Variants in GABBR2 observed in about 807,000 individuals in gnomAD.
The protein encoded by GABBR2 is gamma-aminobutyric acid type B receptor subunit 2, also known as G-protein coupled receptor 51.
In GABBR2, 23 loss-of-function variants were observed where a neutral mutation model predicts 105.6. That is an observed-to-expected ratio of 0.22 (90% CI 0.16 to 0.31). The LOEUF (loss-of-function observed/expected upper bound fraction) is 0.31. Ranked by LOEUF, GABBR2 falls within the 10% of genes least tolerant of loss-of-function variation. The probability of loss-of-function intolerance (pLI) is 1.00; values close to 1 mark genes in which losing one functional copy is unlikely to be tolerated. For synonymous variants in GABBR2, 478 were observed against 499.7 expected, an observed-to-expected ratio of 0.96 and a Z score of 0.58; for missense variants, 734 against 1,245.5, an observed-to-expected ratio of 0.59 and a Z score of 6.18.
intron 12 of GABBR2, among the ~76,000 whole-genome samples, chr9:98,367,010 T>C (rs995542851): frequency 1.5e-4 from 23 of 152,172 alleles, no homozygotes; most frequent in African/African-American, 5.5e-4. Context: ...ATTTTACAAT[T>C]GGTCTTTAGA....
chr9:98,576,904 T>TTGGATGGATGGATGGA (rs71369567), intron 2 of GABBR2, among the ~76,000 whole-genome samples: 19 of 99,610 alleles, frequency 1.9e-4, no homozygotes, highest in East Asian at 7.5e-4. Context: ...AAAATATTTG[T>TTGGATGGATGGATGGA]TGGATGGATG....
chr9:98,307,677 G>A (rs1463277979), intron 14 of GABBR2, among the ~76,000 whole-genome samples: 1 of 151,930 alleles, frequency 6.6e-6, no homozygotes, highest in Non-Finnish European at 1.5e-5. Flanking sequence ...CACCTCTCAG[G>A]ACCTTACTTT....
At chr9:98,542,525 CA>C (rs368930185) in intron 2 of GABBR2, among the ~76,000 whole-genome samples, 73 of 152,210 alleles carry the variant, frequency 4.8e-4, no homozygotes, top group African/African-American at 1.8e-3. Context: ...TCTAATTTGT[CA>C]TTATCATCAT....
chr9:98,602,408 G>T (rs1330823645), intron 1 of GABBR2, among the ~76,000 whole-genome samples: 1 of 149,910 alleles, frequency 6.7e-6, no homozygotes, highest in East Asian at 2.0e-4. Flanking sequence ...GGAGGCAGAG[G>T]GTGCAGTGAG....
chr9:98,489,908 C>A (rs967612242), intron 4 of GABBR2, among the ~76,000 whole-genome samples: 2 of 152,226 alleles, frequency 1.3e-5, no homozygotes, highest in Non-Finnish European at 2.9e-5. Context: ...GCCTGGCCAA[C>A]ATGGTAAAAC....
chr9:98,573,048 C>T (rs1427789222), intron 2 of GABBR2, among the ~76,000 whole-genome samples: 1 of 152,200 alleles, frequency 6.6e-6, no homozygotes, highest in African/African-American at 2.4e-5. Flanking sequence ...CCCTGCCCTA[C>T]AGTCAGGGCC....
chr9:98,462,551 G>A (rs1441539666), intron 6 of GABBR2, among the ~76,000 whole-genome samples: 2 of 152,184 alleles, frequency 1.3e-5, no homozygotes, highest in African/African-American at 4.8e-5. Flanking sequence ...ATGAAAACAT[G>A]TCCAACTTCA....
chr9:98,465,019 C>T (rs1241647040), intron 6 of GABBR2, among the ~76,000 whole-genome samples: 1 of 150,104 alleles, frequency 6.7e-6, no homozygotes, highest in South Asian at 2.1e-4. Context: ...AAACCAGAGA[C>T]CTTTGTTCTT....
At chr9:98,604,634 T>C (rs1829385624) in intron 1 of GABBR2, among the ~76,000 whole-genome samples, 1 of 152,230 alleles carries the variant, frequency 6.6e-6, no homozygotes, top group African/African-American at 2.4e-5. Flanking sequence ...TAATGCTGGC[T>C]GGATGCTCAT....
At chr9:98,510,083 T>C (rs1827604952) in intron 3 of GABBR2, among the ~76,000 whole-genome samples, 1 of 152,200 alleles carries the variant, frequency 6.6e-6, no homozygotes, top group Admixed American at 6.5e-5. Flanking sequence ...CAGCAGAAAC[T>C]CTACAAGCCA....
rs1283157109 is a variant in GABBR2, at chr9:98,549,022, G to A, written c.460-6979C>T. ...GCAATCTCAGGTCACTGCAACCTCC[G>A]CCTCCCGATTGTTCAAGCGATTCTC... is the stretch of plus-strand genomic sequence containing the variant. On this transcript the variant is annotated intron_variant, in intron 2 of 18. Coordinates refer to ENST00000259455, the MANE Select transcript of GABBR2 (RefSeq NM_005458.8). 4.1e-5 allele frequency among the ~76,000 whole-genome samples: 5 copies of A among 121,354 alleles called. 2 individuals carry two copies. The highest frequency in any genetic ancestry group is 9.3e-5 in the Non-Finnish European group (5 of 53,920). The allele number at this position is 121,354 out of a possible 152,430, so 79.6% of individuals were successfully genotyped here. A position where few individuals can be genotyped will look rare whatever the true frequency, so the allele number is the denominator to read the frequency against.
chr9:98,314,274 T>C (rs1309289123), intron 13 of GABBR2, among the ~76,000 whole-genome samples: 1 of 152,192 alleles, frequency 6.6e-6, no homozygotes, highest in Non-Finnish European at 1.5e-5. Context: ...CCTTTCATTG[T>C]TTAATTAAGG....
chr9:98,324,064 G>T (rs1830874525), intron 13 of GABBR2, among the ~76,000 whole-genome samples: 1 of 152,178 alleles, frequency 6.6e-6, no homozygotes, highest in Non-Finnish European at 1.5e-5. Context: ...CCAGGAGTGG[G>T]CTGGAACTTA....
intron 18 of GABBR2, among the ~76,000 whole-genome samples, chr9:98,291,168 A>G (rs1164625695): frequency 1.3e-5 from 2 of 152,208 alleles, no homozygotes; most frequent in African/African-American, 4.8e-5. Flanking sequence ...AGCCTCGCCT[A>G]CCTTAAATGT....
intron 1 of GABBR2, among the ~76,000 whole-genome samples, chr9:98,627,688 G>T (rs781347594): frequency 6.6e-6 from 1 of 152,236 alleles, no homozygotes; most frequent in Admixed American, 6.5e-5. Context: ...AAGCGGGTCC[G>T]TGTGCTGGCT....
intron 1 of GABBR2, among the ~76,000 whole-genome samples, chr9:98,640,394 G>A (rs1038117309): frequency 2.6e-5 from 4 of 152,202 alleles, no homozygotes; most frequent in African/African-American, 9.6e-5. Flanking sequence ...CAAAGACACA[G>A]TAAACCTGCT....
intron 1 of GABBR2, among the ~76,000 whole-genome samples, chr9:98,649,645 C>T (rs910096626): frequency 7.2e-5 from 11 of 152,180 alleles, no homozygotes; most frequent in African/African-American, 2.7e-4. Context: ...AAATAAGACT[C>T]TCCATTTGAA....
intron 1 of GABBR2, among the ~76,000 whole-genome samples, chr9:98,605,138 G>T (rs1444615091): frequency 1.3e-5 from 2 of 152,202 alleles, no homozygotes; most frequent in Non-Finnish European, 2.9e-5. Flanking sequence ...CGAAACCAGG[G>T]CAGCAATGCC....
At chr9:98,506,873 C>T (rs1221661167) in intron 3 of GABBR2, among the ~76,000 whole-genome samples, 1 of 152,190 alleles carries the variant, frequency 6.6e-6, no homozygotes, top group African/African-American at 2.4e-5. Flanking sequence ...CACACCCAAC[C>T]CACAATGCCA....
Sources: allele counts gnomAD v4.1 joint callset (sites outside exome capture counted in the v4.1 genomes callset), GRCh38; gene constraint gnomAD v4.1.1; transcripts MANE v1.5; gene names NCBI Gene and HGNC (gene_info 2026-07-23, HGNC 2026-07-21).